CDKAL1: variants seen among roughly 807,000 people sequenced by gnomAD.
The protein encoded by CDKAL1 is CDKAL1 threonylcarbamoyladenosine tRNA methylthiotransferase.
Under a neutral mutation model 68.2 loss-of-function variants are expected in CDKAL1, and 32 were observed. That is an observed-to-expected ratio of 0.47 (90% CI 0.35 to 0.63). CDKAL1 has a LOEUF of 0.63. Ranked by LOEUF, CDKAL1 falls within the 30% of genes least tolerant of loss-of-function variation. CDKAL1 has a pLI of 0.00. For synonymous variants in CDKAL1, 234 were observed against 244.3 expected, an observed-to-expected ratio of 0.96 and a Z score of 0.39; for missense variants, 606 against 696.7, an observed-to-expected ratio of 0.87 and a Z score of 1.47.
At chr6:20,671,024 T>C (rs950405246) in intron 5 of CDKAL1, among the ~76,000 whole-genome samples, 5 of 152,172 alleles carry the variant, frequency 3.3e-5, no homozygotes, top group African/African-American at 1.2e-4. Context: ...ATTGGAGGTA[T>C]ATCTTTGGGA....
At position 20,848,727 on chromosome 6, in the gene CDKAL1, G is replaced by A. The variant is rs73372045; in HGVS notation, c.742+2549G>A. On this transcript the variant is annotated intron_variant, in intron 9 of 15. Transcript: ENST00000274695. ...AAACTAAATGCTAGTTTTTGGACTG[G>A]TGAGCTAATTTGTGAGATAATCCAG... 9.0e-3 allele frequency among the ~76,000 whole-genome samples: 1,369 copies of A among 151,798 alleles called. 25 individuals are homozygous for A. Among genetic ancestry groups the A allele is most frequent in the African/African-American group, 0.031 (1,265 of 41,418 alleles).
intron 9 of CDKAL1, among the ~76,000 whole-genome samples, chr6:20,900,290 A>G (rs1363637236): frequency 2.0e-5 from 3 of 152,236 alleles, no homozygotes; most frequent in East Asian, 3.8e-4. Flanking sequence ...TCTGAGGCCA[A>G]TCTGTAAAGT....
chr6:20,585,142 C>T (rs146378670), intron 4 of CDKAL1, among the ~76,000 whole-genome samples: 4,179 of 151,254 alleles, frequency 0.028, 175 homozygotes, highest in African/African-American at 0.09. Context: ...CTGCAAGCTC[C>T]GCCTCCCGGG....
chr6:20,636,483 A>G lies in CDKAL1; in HGVS notation c.287-12810A>G, dbSNP rs1007038803. ...TTGTGTCAAGTTTAGTATTTCTGTGATGCATTCCAGTGATGTTCTTAGGTG... is the reference window on the plus strand; with the variant it reads ...TTGTGTCAAGTTTAGTATTTCTGTGGTGCATTCCAGTGATGTTCTTAGGTG... On this transcript the variant is annotated intron_variant, in intron 4 of 15. Coordinates refer to ENST00000274695, the MANE Select transcript of CDKAL1 (RefSeq NM_017774.3). Among the ~76,000 whole-genome samples, 80 of 152,052 alleles carry G rather than the reference A, an allele frequency of 5.3e-4. 1 individual carries two copies. Among genetic ancestry groups the G allele is most frequent in the Non-Finnish European group, 1.5e-4 (10 of 68,002 alleles).
intron 8 of CDKAL1, among the ~76,000 whole-genome samples, chr6:20,832,579 C>T (rs373884456): frequency 8.6e-4 from 131 of 152,132 alleles, no homozygotes; most frequent in African/African-American, 3.1e-3. Flanking sequence ...TAGCTTGAGC[C>T]CAAGAGTTCG....
At chr6:20,965,465 ATATC>A (rs950451829) in intron 10 of CDKAL1, among the ~76,000 whole-genome samples, 7 of 152,014 alleles carry the variant, frequency 4.6e-5, no homozygotes, top group Non-Finnish European at 7.4e-5. Flanking sequence ...TCATAGTTGA[ATATC>A]TATCCTGGGT....
chr6:21,101,923 C>T (rs899356826), intron 12 of CDKAL1, among the ~76,000 whole-genome samples: 2 of 152,130 alleles, frequency 1.3e-5, no homozygotes, highest in Non-Finnish European at 2.9e-5. Context: ...ACCTTCTCCC[C>T]TTGCCCCTAG....
chr6:20,698,012 T>C (rs1771179782), intron 5 of CDKAL1, among the ~76,000 whole-genome samples: 1 of 152,224 alleles, frequency 6.6e-6, no homozygotes, highest in Non-Finnish European at 1.5e-5. Flanking sequence ...TTATATGCTT[T>C]ATATCAGTGA....
intron 9 of CDKAL1, among the ~76,000 whole-genome samples, chr6:20,880,241 A>G (rs1452390351): frequency 7.0e-6 from 1 of 143,438 alleles, no homozygotes; most frequent in Admixed American, 7.1e-5. Flanking sequence ...TTTTTATTCC[A>G]TCAAAGAAAC....
chr6:20,717,687 T>G (rs1772161819), intron 5 of CDKAL1, among the ~76,000 whole-genome samples: 1 of 152,156 alleles, frequency 6.6e-6, no homozygotes, highest in African/African-American at 2.4e-5. Context: ...AGCTGTTGCT[T>G]TTTGGTTGTT....
intron 10 of CDKAL1, among the ~76,000 whole-genome samples, chr6:20,962,493 T>C (rs562276367): frequency 6.6e-6 from 1 of 152,360 alleles, no homozygotes; most frequent in South Asian, 2.1e-4. Context: ...TCAAGGACTT[T>C]TGTTGCATGG....
At chr6:20,631,293 G>A (rs963872390) in intron 4 of CDKAL1, among the ~76,000 whole-genome samples, 2 of 152,120 alleles carry the variant, frequency 1.3e-5, no homozygotes, top group Non-Finnish European at 2.9e-5. Flanking sequence ...CTTAACATGA[G>A]TTCTTTCATG....
chr6:21,019,341 T>G (rs893919347), intron 11 of CDKAL1, among the ~76,000 whole-genome samples: 7 of 152,186 alleles, frequency 4.6e-5, no homozygotes, highest in Admixed American at 2.6e-4. Context: ...CTTTTCTGTC[T>G]TTCTTGCTGT....
At chr6:20,645,502 C>T (rs539649301) in intron 4 of CDKAL1, among the ~76,000 whole-genome samples, 1 of 152,030 alleles carries the variant, frequency 6.6e-6, no homozygotes, top group African/African-American at 2.4e-5. Context: ...GAGGCCGAGG[C>T]AGGTAGATCA....
In CDKAL1 at chr6:20,859,486, G is replaced by A. The variant is rs146054907; in HGVS notation, c.742+13308G>A. 2.3e-3 allele frequency among the ~76,000 whole-genome samples: 356 copies of A among 152,276 alleles called. 3 individuals carry two copies. The highest frequency in any genetic ancestry group is 8.1e-3 in the African/African-American group (338 of 41,546). Reference sequence around the variant, plus strand: ...CCCTTGCCCTTCATTTCCAGCTGAGGAACATGAAGCCTACAGAGAGGTGAC... The same window carrying A: ...CCCTTGCCCTTCATTTCCAGCTGAGAAACATGAAGCCTACAGAGAGGTGAC... On this transcript the variant is annotated intron_variant, in intron 9 of 15. Transcript: ENST00000274695.
intron 5 of CDKAL1, among the ~76,000 whole-genome samples, chr6:20,654,217 G>A (rs1445910404): frequency 1.3e-5 from 2 of 151,916 alleles, no homozygotes; most frequent in East Asian, 3.9e-4. Context: ...ATGAGTTTGG[G>A]CTTTTTAAAA....
intron 4 of CDKAL1, among the ~76,000 whole-genome samples, chr6:20,607,329 AAT>A (rs574963108): frequency 3.1e-4 from 47 of 152,372 alleles, no homozygotes; most frequent in African/African-American, 1.1e-3. Context: ...TTCTAAATAA[AAT>A]AGTTACATAA....
chr6:20,717,208 A>C (rs1437827213), intron 5 of CDKAL1, among the ~76,000 whole-genome samples: 1 of 151,976 alleles, frequency 6.6e-6, no homozygotes, highest in Non-Finnish European at 1.5e-5. Flanking sequence ...GTTTGCTATA[A>C]AGGGAAGCAG....
chr6:21,093,694 C>CTTTTTTTTTT lies in CDKAL1; in HGVS notation c.1237-14676_1237-14667dup, dbSNP rs547923386. On this transcript the variant is annotated intron_variant, in intron 12 of 15. Transcript: ENST00000274695. Reference sequence around the variant, plus strand: ...ATAACCAACTGAGCTGCTGCTGCTGCTTTTTTTTTTTTTTTTTTTTTTTTT... The same window carrying CTTTTTTTTTT: ...ATAACCAACTGAGCTGCTGCTGCTGCTTTTTTTTTTTTTTTTTTTTTTTTTTTTTTTTTTT... Among the ~76,000 whole-genome samples the CTTTTTTTTTT allele has an allele frequency of 6.8e-5, 6 of 88,094 alleles. 1 individual carries two copies. The highest frequency in any genetic ancestry group is 2.7e-4 in the African/African-American group (6 of 21,940). The allele number at this position is 88,094 out of a possible 152,430, so 57.8% of individuals were successfully genotyped here.
Sources: allele counts gnomAD v4.1 joint callset (sites outside exome capture counted in the v4.1 genomes callset), GRCh38; gene constraint gnomAD v4.1.1; transcripts MANE v1.5; gene names NCBI Gene and HGNC (gene_info 2026-07-23, HGNC 2026-07-21).